ASTN2: variants seen among roughly 807,000 people sequenced by gnomAD.
ASTN2 encodes the protein astrotactin-2.
A neutral mutation model predicts 139.8 loss-of-function variants in ASTN2; 54 were observed. That is an observed-to-expected ratio of 0.39 (90% CI 0.31 to 0.48). The LOEUF is 0.48. Ranked by LOEUF, ASTN2 falls within the 20% of genes least tolerant of loss-of-function variation. The pLI is 0.95. For synonymous variants in ASTN2, 756 were observed against 719.5 expected, an observed-to-expected ratio of 1.05 and a Z score of -0.81; for missense variants, 1,565 against 1,725.1, an observed-to-expected ratio of 0.91 and a Z score of 1.64.
intron 2 of ASTN2, among the ~76,000 whole-genome samples, chr9:117,278,928 G>T (rs1469508243): frequency 3.9e-5 from 6 of 152,266 alleles, no homozygotes; most frequent in Admixed American, 6.5e-5. Context: ...AGATGGGAAG[G>T]CCAGCTCTGT....
chr9:117,123,788 C>G (rs12684071), intron 4 of ASTN2, among the ~76,000 whole-genome samples: 32,950 of 152,044 alleles, frequency 0.22, 3,701 homozygotes, highest in East Asian at 0.35. Context: ...CTCCTCAGCC[C>G]TCTTCTCCAA....
intron 2 of ASTN2, among the ~76,000 whole-genome samples, chr9:117,283,097 T>G (rs190537497): frequency 1.3e-5 from 2 of 151,756 alleles, no homozygotes; most frequent in Non-Finnish European, 1.5e-5. Flanking sequence ...CTCAGAGAGG[T>G]GAGATGACTA....
At chr9:117,023,978 T>TGGGGA (rs1243749651) in intron 6 of ASTN2, among the ~76,000 whole-genome samples, 1 of 152,014 alleles carries the variant, frequency 6.6e-6, no homozygotes. Flanking sequence ...GGTGCGAGGT[T>TGGGGA]GGGGAGGGGA....
chr9:117,005,079 G>GCTTT, intron 7 of ASTN2, among the ~76,000 whole-genome samples: 2 of 57,032 alleles, frequency 3.5e-5, no homozygotes, highest in Non-Finnish European at 6.4e-5. Flanking sequence ...ACCTGTAGTC[G>GCTTT]ATTTTTTTTT....
chr9:117,389,350 G>A (rs907090825), intron 1 of ASTN2, among the ~76,000 whole-genome samples: 3 of 152,264 alleles, frequency 2.0e-5, no homozygotes, highest in South Asian at 2.1e-4. Flanking sequence ...TTGACCAAGC[G>A]ATCACTAACT....
chr9:117,308,143 C>T (rs991377788), intron 1 of ASTN2, among the ~76,000 whole-genome samples: 2 of 152,200 alleles, frequency 1.3e-5, no homozygotes, highest in African/African-American at 4.8e-5. Context: ...TCCTCTGGGA[C>T]TCTGGCTTCC....
intron 3 of ASTN2, among the ~76,000 whole-genome samples, chr9:117,199,814 G>C (rs1277952550): frequency 6.6e-6 from 1 of 151,954 alleles, no homozygotes; most frequent in African/African-American, 2.4e-5. Flanking sequence ...TTGAGCAGTG[G>C]TTTGTAGTTC....
At chr9:117,084,707 GGGATACAC>G (rs1410464035) in intron 5 of ASTN2, among the ~76,000 whole-genome samples, 1 of 152,202 alleles carries the variant, frequency 6.6e-6, no homozygotes, top group Non-Finnish European at 1.5e-5. Context: ...GGGAAATGGG[GGGATACAC>G]TCCATAGGGG....
intron 2 of ASTN2, among the ~76,000 whole-genome samples, chr9:117,258,233 G>T (rs1239989143): frequency 6.6e-6 from 1 of 152,122 alleles, no homozygotes; most frequent in Non-Finnish European, 1.5e-5. Context: ...ATAATGATGG[G>T]TCACCGGGAG....
intron 3 of ASTN2, among the ~76,000 whole-genome samples, chr9:117,213,434 C>A (rs888144432): frequency 6.6e-6 from 1 of 152,096 alleles, no homozygotes; most frequent in African/African-American, 2.4e-5. Flanking sequence ...TTTCAAATAA[C>A]TAGGAGCTTA....
chr9:117,213,555 A>C (rs1832211373), intron 3 of ASTN2, among the ~76,000 whole-genome samples: 1 of 152,240 alleles, frequency 6.6e-6, no homozygotes, highest in African/African-American at 2.4e-5. Flanking sequence ...TATGTACTCC[A>C]TAAATATGTA....
intron 11 of ASTN2, among the ~76,000 whole-genome samples, chr9:116,837,241 G>A (rs898270485): frequency 3.3e-5 from 5 of 152,192 alleles, no homozygotes; most frequent in Admixed American, 6.5e-5. Flanking sequence ...TCTAGCATGT[G>A]GAGGCGTGCC....
At chr9:117,270,795 T>G (rs961052239) in intron 2 of ASTN2, among the ~76,000 whole-genome samples, 1 of 152,234 alleles carries the variant, frequency 6.6e-6, no homozygotes, top group Admixed American at 6.5e-5. Context: ...GCCAAAGCAC[T>G]GTACAAATAT....
chr9:116,836,060 T>G (rs1831979863), intron 11 of ASTN2, among the ~76,000 whole-genome samples: 1 of 152,188 alleles, frequency 6.6e-6, no homozygotes, highest in South Asian at 2.1e-4. Context: ...GTTCCCCATG[T>G]GGCCTTCTCT....
intron 10 of ASTN2, among the ~76,000 whole-genome samples, chr9:116,930,471 C>G (rs1834866657): frequency 6.6e-6 from 1 of 151,822 alleles, no homozygotes; most frequent in African/African-American, 2.4e-5. Context: ...GGATGGCACC[C>G]AAGATTGGGT....
intron 1 of ASTN2, among the ~76,000 whole-genome samples, chr9:117,298,435 C>T (rs1159458655): frequency 6.6e-6 from 1 of 152,088 alleles, no homozygotes; most frequent in Non-Finnish European, 1.5e-5. Flanking sequence ...TGTTTTTGGG[C>T]AAGCTCTTCG....
chr9:116,498,778 T>C (rs891178892), intron 19 of ASTN2, among the ~76,000 whole-genome samples: 2 of 152,220 alleles, frequency 1.3e-5, no homozygotes, highest in Non-Finnish European at 1.5e-5. Context: ...TTCTGATACA[T>C]ATGCCAATGT....
intron 19 of ASTN2, among the ~76,000 whole-genome samples, chr9:116,512,404 G>A (rs540980017): frequency 3.5e-4 from 54 of 152,280 alleles, no homozygotes; most frequent in African/African-American, 1.2e-3. Context: ...CATTTGCTGA[G>A]GAATGCTTTA....
intron 20 of ASTN2, among the ~76,000 whole-genome samples, chr9:116,461,325 T>C (rs943579469): frequency 6.6e-6 from 1 of 152,054 alleles, no homozygotes; most frequent in Non-Finnish European, 1.5e-5. Context: ...ATATCCCCAG[T>C]GCCAAAAATT....
Sources: gnomAD v4.1 joint callset for allele counts (sites outside exome capture counted in the v4.1 genomes callset) on GRCh38, gnomAD v4.1.1 for gene constraint, MANE v1.5 for transcripts, NCBI Gene and HGNC (gene_info 2026-07-23, HGNC 2026-07-21) for gene names.